SCN2A: variants seen among roughly 807,000 people sequenced by gnomAD.
The protein encoded by SCN2A is sodium channel protein type 2 subunit alpha.
SCN2A carries 20 observed loss-of-function variants against 188.7 expected under a neutral mutation model. The observed-to-expected ratio is 0.11, with a 90% CI of 0.07 to 0.15. The LOEUF (loss-of-function observed/expected upper bound fraction) is 0.15, where lower values mean the gene tolerates loss of function less well. Ranked by LOEUF, SCN2A falls within the 10% of genes least tolerant of loss-of-function variation. The pLI, the probability that SCN2A is intolerant of heterozygous loss-of-function variation, is 1.00. For synonymous variants in SCN2A, 804 were observed against 833.1 expected, an observed-to-expected ratio of 0.97 and a Z score of 0.60; for missense variants, 1,278 against 2,445.0, an observed-to-expected ratio of 0.52 and a Z score of 10.07.
intron 1 of SCN2A, chr2:165,266,705 T>C (rs1347380495): frequency 6.6e-6 from 1 of 152,072 alleles, no homozygotes; most frequent in Non-Finnish European, 1.5e-5. Flanking sequence ...TATCCTACCG[T>C]AAAAGGTTTC....
At chr2:165,323,600 T>G in intron 12 of SCN2A, 100 bp downstream of exon 12, 1 of 1,153,166 alleles carries the variant, frequency 8.7e-7, no homozygotes, top group Admixed American at 2.0e-5. Flanking sequence ...TTGAGTTTGT[T>G]GCCCAAAGGC....
At chr2:165,251,992 A>G (rs1170864790) in intron 1 of SCN2A, among the ~76,000 whole-genome samples, 2 of 152,128 alleles carry the variant, frequency 1.3e-5, no homozygotes, top group Non-Finnish European at 2.9e-5. Context: ...TCATGATCAT[A>G]TAGCTAAAAA....
rs947039059 is a variant in SCN2A, at chr2:165,249,672, C to A, written c.-52+10032C>A. On this transcript the variant is annotated intron_variant, in intron 1 of 26. Transcript: ENST00000375437. The stretch of plus-strand genomic sequence containing the variant: ...TTACTACCTTAGTTTATATAAATCA[C>A]CAAGATCTAATGGAAGCCACCCAGT... Among the ~76,000 whole-genome samples, 3 of 151,884 alleles carry A rather than the reference C, an allele frequency of 2.0e-5. No homozygotes were observed. In the East Asian group the frequency reaches 5.8e-4, roughly 29 times the overall value.
intron 19 of SCN2A, among the ~76,000 whole-genome samples, chr2:165,369,896 G>A (rs936704684): frequency 4.6e-5 from 7 of 152,010 alleles, no homozygotes; most frequent in Admixed American, 1.3e-4. Flanking sequence ...GCTCTTTGGG[G>A]GTACACTGAG....
chr2:165,308,839 G>A (rs763245255), intron 5 of SCN2A, 45 bp downstream of exon 5: 1 of 1,609,228 alleles, frequency 6.2e-7, no homozygotes, highest in Admixed American at 1.7e-5. Flanking sequence ...GTAAATCACT[G>A]GTGGGAGCCT....
chr2:165,327,898 A>G (rs577118007), intron 13 of SCN2A: 2 of 152,186 alleles, frequency 1.3e-5, no homozygotes, highest in Non-Finnish European at 1.5e-5. Context: ...AATGTATTCT[A>G]TCCCCCTTCC....
intron 1 of SCN2A, among the ~76,000 whole-genome samples, chr2:165,253,275 ATCTT>A (rs1476687740): frequency 6.6e-6 from 1 of 151,962 alleles, no homozygotes; most frequent in Non-Finnish European, 1.5e-5. Flanking sequence ...AGAGCTGGTA[ATCTT>A]TCTTCCATGA....
chr2:165,274,783 C>T lies in SCN2A; in HGVS notation c.-51-20990C>T, dbSNP rs183903511. On this transcript the variant is annotated intron_variant, in intron 1 of 26. Transcript: ENST00000375437. ...ATTTGGCTGCTGTACTTTTCATATCCGTAAAGCTGTTCTTGGGTCCACCCT... is the reference window on the plus strand; with the variant it reads ...ATTTGGCTGCTGTACTTTTCATATCTGTAAAGCTGTTCTTGGGTCCACCCT... Among the ~76,000 whole-genome samples the T allele has an allele frequency of 6.1e-3, 934 of 152,268 alleles. 10 individuals carry two copies. The highest frequency in any genetic ancestry group is 6.9e-3 in the Non-Finnish European group (472 of 68,024).
At chr2:165,355,629 T>G (rs1227671731) in intron 17 of SCN2A, among the ~76,000 whole-genome samples, 3 of 152,086 alleles carry the variant, frequency 2.0e-5, no homozygotes, top group African/African-American at 7.2e-5. Context: ...CTTCTATTCC[T>G]GATGTCGGGA....
At chr2:165,252,144 G>A (rs1476602949) in intron 1 of SCN2A, among the ~76,000 whole-genome samples, 1 of 151,744 alleles carries the variant, frequency 6.6e-6, no homozygotes, top group Non-Finnish European at 1.5e-5. Context: ...AAAAAAAATA[G>A]AAGCAAGTCA....
chr2:165,340,977 TATG>T (rs1353535515), intron 14 of SCN2A, among the ~76,000 whole-genome samples: 2 of 152,142 alleles, frequency 1.3e-5, no homozygotes, highest in Non-Finnish European at 2.9e-5. Flanking sequence ...TGTAGACAAG[TATG>T]CAATCTTCGA....
At chr2:165,352,332 T>A (rs1346009149) in intron 16 of SCN2A, among the ~76,000 whole-genome samples, 3 of 152,064 alleles carry the variant, frequency 2.0e-5, no homozygotes, top group Non-Finnish European at 4.4e-5. Flanking sequence ...GTCAGTACAC[T>A]CTCAAAATCA....
In SCN2A at chr2:165,295,881, G is replaced by A. The variant is rs1165991893; in HGVS notation, c.58G>A (p.Glu20Lys). The stretch of plus-strand genomic sequence containing the variant: ...TGACAGCTTCCGCTTCTTTACCAGG[G>A]AATCCCTTGCTGCTATTGAACAACG... ...GPDSFRFFTR[E>K]SLAAIEQRIA... Residue 20 changes from glutamate to lysine, a missense_variant, in exon 2 of 27, where the codon GAA becomes AAA. By Grantham distance (56) the Glu-to-Lys change is moderately conservative. Coordinates refer to ENST00000375437, the MANE Select transcript of SCN2A (RefSeq NM_001040142.2). 6.2e-7 allele frequency: 1 copy of A among 1,614,152 alleles called. No individual in the cohort carries two copies. The highest frequency in any genetic ancestry group is 8.5e-7 in the Non-Finnish European group (1 of 1,180,038).
In SCN2A at chr2:165,291,211, T is replaced by A. The variant is rs545064636; in HGVS notation, c.-51-4562T>A. 1.2e-3 allele frequency among the ~76,000 whole-genome samples: 184 copies of A among 151,778 alleles called. 2 individuals are homozygous for A. In the South Asian group the frequency reaches 0.014, roughly 12 times the overall value. The stretch of plus-strand genomic sequence containing the variant: ...TGCCCATCACCATGCCCGGCTAATT[T>A]TTTCTATTTTTTAGTAGAGATGGGG... On this transcript the variant is annotated intron_variant, in intron 1 of 26. Transcript: ENST00000375437.
At chr2:165,348,849 T>A (rs1167366792) in intron 16 of SCN2A, among the ~76,000 whole-genome samples, 1 of 152,198 alleles carries the variant, frequency 6.6e-6, no homozygotes, top group East Asian at 1.9e-4. Flanking sequence ...TCCATAGGAC[T>A]GTTGAGTGTC....
chr2:165,367,273 C>T lies in SCN2A; in HGVS notation c.3577C>T (p.Leu1193Phe), dbSNP rs1057272494. 4 of 1,613,946 alleles carry T rather than the reference C, an allele frequency of 2.5e-6. No individual in the cohort carries two copies. The African/African-American group carries it at 5.3e-5, about 22-fold the overall frequency. Residue 1193 changes from leucine (L) to phenylalanine (F), a missense_variant, in exon 19 of 27, where the codon CTC (leucine) becomes TTC (phenylalanine). Around this residue, in one of 17 missense-constraint regions of SCN2A, gnomAD observed 228 missense variants for 297.3 expected, o/e 0.77. Coordinates refer to ENST00000375437, the MANE Select transcript of SCN2A (RefSeq NM_001040142.2). The part of the protein sequence containing the change: ...QISIEEGKGK[L>F]WWNLRKTCYK... Reference sequence around the variant, plus strand: ...AAGCATAGAAGAAGGCAAAGGGAAACTCTGGTGGAATTTGAGGAAAACATG... The same window carrying T: ...AAGCATAGAAGAAGGCAAAGGGAAATTCTGGTGGAATTTGAGGAAAACATG...
intron 18 of SCN2A, among the ~76,000 whole-genome samples, chr2:165,366,629 G>A (rs987069557): frequency 2.0e-5 from 3 of 147,782 alleles, no homozygotes; most frequent in Non-Finnish European, 3.0e-5. Context: ...CAGGAGAATC[G>A]CTTGAACCTG....
intron 14 of SCN2A, among the ~76,000 whole-genome samples, chr2:165,341,401 T>C (rs1463704964): frequency 5.3e-5 from 8 of 152,052 alleles, no homozygotes; most frequent in Non-Finnish European, 1.2e-4. Flanking sequence ...CCCACAGTGG[T>C]GATATTTTTA....
chr2:165,291,519 CCTTT>C (rs1205367764), intron 1 of SCN2A, among the ~76,000 whole-genome samples: 7 of 51,834 alleles, frequency 1.4e-4, no homozygotes, highest in African/African-American at 4.3e-4. Context: ...TTCTTCCTCT[CCTTT>C]CTTTCCTTCC....
Sources: gnomAD v4.1 joint callset for allele counts (sites outside exome capture counted in the v4.1 genomes callset) on GRCh38, gnomAD v4.1.1 for gene constraint, gnomAD v4.1.1 regional missense constraint, MANE v1.5 for transcripts, NCBI Gene and HGNC (gene_info 2026-07-23, HGNC 2026-07-21) for gene names.